Variants in IL1RL2 observed in about 807,000 individuals in gnomAD.
IL1RL2 encodes the protein interleukin 1 receptor like 2.
IL1RL2 carries 68 observed loss-of-function variants against 66.8 expected under a neutral mutation model. That is an observed-to-expected ratio of 1.02 (90% CI 0.84 to 1.25). IL1RL2 has a LOEUF of 1.25. Ranked by LOEUF, IL1RL2 falls within the 50% of genes most tolerant of loss-of-function variation. The pLI, the probability that IL1RL2 is intolerant of heterozygous loss-of-function variation, is 0.00. For synonymous variants in IL1RL2, 305 were observed against 264.6 expected (o/e 1.15, Z -1.48); for missense variants, 729 against 709.3 (o/e 1.03, Z -0.32).
At chr2:102,238,827 A>G (rs560166565) in intron 11 of IL1RL2, among the ~76,000 whole-genome samples, 6 of 152,168 alleles carry the variant, frequency 3.9e-5, no homozygotes, top group African/African-American at 1.4e-4. Context: ...GTCCCCTCCC[A>G]TACACCCAGG....
intron 5 of IL1RL2, among the ~76,000 whole-genome samples, chr2:102,206,640 C>T (rs1019364935): frequency 6.6e-6 from 1 of 152,220 alleles, no homozygotes; most frequent in South Asian, 2.1e-4. Flanking sequence ...GACACAGGCA[C>T]CACTTTGGCC....
intron 5 of IL1RL2, 142 bp from the exon 6 acceptor site, chr2:102,211,958 G>C (rs1578144406): frequency 2.0e-6 from 1 of 497,722 alleles, no homozygotes; most frequent in East Asian, 3.1e-5. Flanking sequence ...ACTTCTGGTT[G>C]AAAATGTGTA....
chr2:102,218,091 CAAACAAA>C (rs1270985534), intron 6 of IL1RL2, among the ~76,000 whole-genome samples: 4 of 151,828 alleles, frequency 2.6e-5, no homozygotes, highest in Admixed American at 1.3e-4. Context: ...AACAAACAAA[CAAACAAA>C]AAACAAAAAA....
chr2:102,188,748 A>T (rs1284686962), intron 2 of IL1RL2, among the ~76,000 whole-genome samples: 1 of 152,126 alleles, frequency 6.6e-6, no homozygotes, highest in East Asian at 1.9e-4. Context: ...GGGTTGATTT[A>T]CTCTGTAGGT....
At chr2:102,214,429 A>G (rs1689432016) in intron 6 of IL1RL2, among the ~76,000 whole-genome samples, 1 of 152,214 alleles carries the variant, frequency 6.6e-6, no homozygotes, top group Admixed American at 6.5e-5. Flanking sequence ...GGAAAACAGC[A>G]TTCACAATTG....
rs150819702 is a variant in IL1RL2 at position 102,192,067 on chromosome 2, T to G, written c.436T>G (p.Cys146Gly). ...LHLGKDDSLT[C>G]HLHFPKSCVL... Reference sequence around the variant, plus strand: ...TCTTGGAAAAGATGATAGTCTCACATGTCATCTGCACTTCCCGAAGAGTTG... The same window carrying G: ...TCTTGGAAAAGATGATAGTCTCACAGGTCATCTGCACTTCCCGAAGAGTTG... The change falls in exon 4 of 12, where the codon TGT becomes GGT. Residue 146 changes from cysteine (C) to glycine (G), a missense_variant. Transcript: ENST00000264257. 14 of 1,610,192 alleles carry G rather than the reference T, an allele frequency of 8.7e-6. No homozygotes were observed. In the African/African-American group the frequency reaches 1.6e-4, roughly 18 times the overall value.
In IL1RL2 at chr2:102,201,517, A is replaced by T; in HGVS notation, c.490-39A>T. ...ATACTAGGGATCACACAGGTTTCTA[A>T]GTATTCATTGAATTGAATTTTGTTT... On this transcript the variant is annotated intron_variant, in intron 4 of 11. Transcript: ENST00000264257. 5 of 1,587,184 alleles carry T rather than the reference A, an allele frequency of 3.2e-6. No individual in the cohort carries two copies. In the South Asian group the frequency reaches 5.5e-5, roughly 18 times the overall value.
At chr2:102,239,061 G>T in intron 11 of IL1RL2, 131 bp from the exon 12 acceptor site, 1 of 711,624 alleles carries the variant, frequency 1.4e-6, no homozygotes, top group Non-Finnish European at 2.5e-6. Flanking sequence ...AGAAATGGAA[G>T]CCTCAGGGAT....
At chr2:102,187,964 A>G in intron 2 of IL1RL2, 39 bp downstream of exon 2, 1 of 1,590,104 alleles carries the variant, frequency 6.3e-7, no homozygotes, top group Non-Finnish European at 8.6e-7. Context: ...AGGCTGCCCG[A>G]GTCCACAGGC....
intron 5 of IL1RL2, among the ~76,000 whole-genome samples, chr2:102,203,118 G>A (rs576759219): frequency 1.6e-4 from 24 of 152,002 alleles, no homozygotes; most frequent in African/African-American, 5.1e-4. Context: ...TGCTTTTTCC[G>A]CATCAATTGC....
intron 5 of IL1RL2, among the ~76,000 whole-genome samples, chr2:102,203,909 T>G (rs998409910): frequency 6.6e-6 from 1 of 151,958 alleles, no homozygotes; most frequent in Non-Finnish European, 1.5e-5. Context: ...CAATTTCATT[T>G]ATTTCTTCTA....
intron 5 of IL1RL2, among the ~76,000 whole-genome samples, chr2:102,209,554 C>T (rs1407562512): frequency 8.3e-6 from 1 of 120,180 alleles, no homozygotes; most frequent in Non-Finnish European, 1.6e-5. Context: ...AAATGACTTT[C>T]ATTAGATCCT....
chr2:102,188,327 G>C (rs2104695072), intron 2 of IL1RL2, among the ~76,000 whole-genome samples: 1 of 152,330 alleles, frequency 6.6e-6, no homozygotes, highest in Non-Finnish European at 1.5e-5. Flanking sequence ...GCTCATGCCT[G>C]TAATCCCAGT....
intron 5 of IL1RL2, among the ~76,000 whole-genome samples, chr2:102,202,042 A>G (rs575050770): frequency 1.3e-5 from 2 of 152,320 alleles, no homozygotes; most frequent in African/African-American, 2.4e-5. Flanking sequence ...AGATGTGATG[A>G]ACATGACTGT....
intron 9 of IL1RL2, among the ~76,000 whole-genome samples, chr2:102,227,412 GA>G (rs1428647029): frequency 6.6e-6 from 1 of 152,204 alleles, no homozygotes; most frequent in Non-Finnish European, 1.5e-5. Context: ...CACTAACTTG[GA>G]TTTTTTCCAA....
chr2:102,225,603 C>T lies in IL1RL2; in HGVS notation c.992-295C>T, dbSNP rs34984108. Among the ~76,000 whole-genome samples, 879 of 152,274 alleles carry T rather than the reference C, an allele frequency of 5.8e-3. 9 individuals are homozygous for T. Among genetic ancestry groups the T allele is most frequent in the African/African-American group, 0.02 (820 of 41,548 alleles). On this transcript the variant is annotated intron_variant, in intron 8 of 11. Transcript: ENST00000264257. ...ACGTGTGTGTTTTGAAAGCAGTTCT[C>T]GTCCAGTTGGGTCCATGCTGCGTCT...
At chr2:102,228,223 T>C (rs973343082) in intron 9 of IL1RL2, among the ~76,000 whole-genome samples, 2 of 152,226 alleles carry the variant, frequency 1.3e-5, no homozygotes, top group African/African-American at 4.8e-5. Context: ...GCTTTAACAG[T>C]GAGCTACTGA....
chr2:102,200,202 CT>C (rs34381576), intron 4 of IL1RL2, among the ~76,000 whole-genome samples: 42,266 of 150,788 alleles, frequency 0.28, 6,524 homozygotes, highest in East Asian at 0.39. Context: ...CTTTATACAT[CT>C]AACTCTGATT....
chr2:102,197,848 G>A lies in IL1RL2; in HGVS notation c.490-3708G>A, dbSNP rs879423886. Among the ~76,000 whole-genome samples, 6 of 152,170 alleles carry A rather than the reference G, an allele frequency of 3.9e-5. 1 individual carries two copies. Among genetic ancestry groups the A allele is most frequent in the South Asian group, 4.1e-4 (2 of 4,824 alleles). On this transcript the variant is annotated intron_variant, in intron 4 of 11. Coordinates refer to ENST00000264257, the MANE Select transcript of IL1RL2 (RefSeq NM_003854.4). ...GGAGTTGCATAAGCGGCAACTCCTGGTCTCTGAATTGCAGGTGGTGTATTT... is the reference window on the plus strand; with the variant it reads ...GGAGTTGCATAAGCGGCAACTCCTGATCTCTGAATTGCAGGTGGTGTATTT...
Sources: gnomAD v4.1 joint callset for allele counts (sites outside exome capture counted in the v4.1 genomes callset) on GRCh38, gnomAD v4.1.1 for gene constraint, MANE v1.5 for transcripts, NCBI Gene and HGNC (gene_info 2026-07-23, HGNC 2026-07-21) for gene names.